The following ERC2 variants were observed in gnomAD, a reference collection of about 807,000 sequenced individuals.
The protein encoded by ERC2 is ELKS/RAB6-interacting/CAST family member 2, also known as ERC protein 2.
In ERC2, 42 loss-of-function variants were observed where a neutral mutation model predicts 114.8. The ratio of observed to expected loss-of-function variants is 0.37; its 90% CI spans 0.29 to 0.47. The LOEUF is 0.47. Ranked by LOEUF, ERC2 falls within the 20% of genes least tolerant of loss-of-function variation. ERC2 has a pLI of 0.99. For missense variants in ERC2, 939 were observed against 1,150.7 expected (o/e 0.82, Z 2.66); for synonymous variants, 454 against 425.5 (o/e 1.07, Z -0.82).
At chr3:55,729,054 T>C (rs1279488288) in intron 15 of ERC2, among the ~76,000 whole-genome samples, 3 of 152,148 alleles carry the variant, frequency 2.0e-5, no homozygotes, top group Non-Finnish European at 4.4e-5. Context: ...GGCCAGTCCA[T>C]AGTAGTGATG....
intron 14 of ERC2, among the ~76,000 whole-genome samples, chr3:55,784,887 T>C (rs2069359477): frequency 1.3e-5 from 2 of 152,216 alleles, no homozygotes; most frequent in Non-Finnish European, 2.9e-5. Flanking sequence ...AAACGGTTGC[T>C]CATTTATGCA....
At chr3:56,210,467 C>T (rs111228451) in intron 3 of ERC2, among the ~76,000 whole-genome samples, 1 of 152,210 alleles carries the variant, frequency 6.6e-6, no homozygotes, top group Non-Finnish European at 1.5e-5. Context: ...CTAAATACTA[C>T]ATTTTATGCT....
At chr3:55,728,803 C>T (rs2065075588) in intron 15 of ERC2, among the ~76,000 whole-genome samples, 1 of 152,170 alleles carries the variant, frequency 6.6e-6, no homozygotes, top group African/African-American at 2.4e-5. Flanking sequence ...AAGACTTGTA[C>T]TCTGACGGCG....
chr3:56,212,330 T>C (rs1191317372), intron 3 of ERC2, among the ~76,000 whole-genome samples: 1 of 152,048 alleles, frequency 6.6e-6, no homozygotes, highest in Non-Finnish European at 1.5e-5. Flanking sequence ...GGTATACAAA[T>C]GGCCAACAAA....
At chr3:56,448,742 T>C (rs2062696222) in intron 1 of ERC2, among the ~76,000 whole-genome samples, 1 of 152,150 alleles carries the variant, frequency 6.6e-6, no homozygotes, top group African/African-American at 2.4e-5. Context: ...TGAAACCAAA[T>C]AGGCATGGCT....
chr3:56,356,466 T>C (rs1300664613), intron 2 of ERC2, among the ~76,000 whole-genome samples: 5 of 152,220 alleles, frequency 3.3e-5, no homozygotes, highest in Non-Finnish European at 5.9e-5. Flanking sequence ...TGAGTTGGCA[T>C]GTAGTTGGCA....
chr3:55,831,249 C>T (rs76982839), intron 14 of ERC2, among the ~76,000 whole-genome samples: 2,452 of 148,322 alleles, frequency 0.017, 76 homozygotes, highest in African/African-American at 0.058. Flanking sequence ...AAGTGTAAGA[C>T]TACAGTGAGT....
intron 2 of ERC2, among the ~76,000 whole-genome samples, chr3:56,336,949 G>C (rs2057879223): frequency 6.6e-6 from 1 of 152,138 alleles, no homozygotes; most frequent in Non-Finnish European, 1.5e-5. Context: ...CAAATCAATT[G>C]TAACCTAACT....
At chr3:55,979,038 C>T (rs1424549200) in intron 12 of ERC2, among the ~76,000 whole-genome samples, 1 of 152,138 alleles carries the variant, frequency 6.6e-6, no homozygotes, top group Admixed American at 6.5e-5. Context: ...CTCACCAAGG[C>T]CCATTCATCG....
At chr3:55,939,394 AG>A (rs1476754524) in intron 13 of ERC2, among the ~76,000 whole-genome samples, 1 of 152,256 alleles carries the variant, frequency 6.6e-6, no homozygotes, top group African/African-American at 2.4e-5. Flanking sequence ...CTAGTGGGAA[AG>A]AAAAGGGCTC....
Position 55,807,251 on chromosome 3 carries a change from T to A in ERC2, c.2565-72333A>T, listed in dbSNP as rs561817126. Among the ~76,000 whole-genome samples, 3 of 152,360 alleles carry A rather than the reference T, an allele frequency of 2.0e-5. No homozygotes were observed. The South Asian group carries it at 6.2e-4, about 32-fold the overall frequency. ...CTTCCTAGGTACTTGGCTCCTTGTT[T>A]AGACATTTTCTAAACTTCATTACAG... On this transcript the variant is annotated intron_variant, in intron 14 of 17. Transcript: ENST00000288221.
At position 56,166,631 on chromosome 3, in the gene ERC2, G is replaced by A. The variant is rs149808901; in HGVS notation, c.1149+6815C>T. Among the ~76,000 whole-genome samples the A allele has an allele frequency of 4.7e-3, 718 of 152,040 alleles. 8 individuals carry two copies. Among genetic ancestry groups the A allele is most frequent in the African/African-American group, 0.017 (692 of 41,506 alleles). On this transcript the variant is annotated intron_variant, in intron 4 of 17. Coordinates refer to ENST00000288221, the MANE Select transcript of ERC2 (RefSeq NM_015576.3). ...CTTCTTAAGCAAGTTTTGACAAATT[G>A]TGTTTTTAAAAAGAATTTTTTCATT...
At chr3:56,245,504 G>A (rs1336820445) in intron 3 of ERC2, among the ~76,000 whole-genome samples, 2 of 111,204 alleles carry the variant, frequency 1.8e-5, no homozygotes, top group Non-Finnish European at 3.6e-5. Context: ...GTGTGTGTGT[G>A]GTATGTTGTG....
rs1289747614 is a variant in ERC2 at position 55,643,047 on chromosome 3, G to A, written c.*39+40747C>T. Among the ~76,000 whole-genome samples the A allele has an allele frequency of 2.6e-5, 4 of 152,300 alleles. No homozygotes were observed. The East Asian group carries it at 7.7e-4, about 29-fold the overall frequency. ...TACTCTTGAGTATTTTAGAGGCAGTGGCTACCCAGTCTGGAGAAACTTTTC... is the reference window on the plus strand; with the variant it reads ...TACTCTTGAGTATTTTAGAGGCAGTAGCTACCCAGTCTGGAGAAACTTTTC... On this transcript the variant is annotated intron_variant, in intron 17 of 17. Coordinates refer to ENST00000288221, the MANE Select transcript of ERC2 (RefSeq NM_015576.3).
rs73089191 is a variant in ERC2, at chr3:56,032,509, T to A, written c.1642-13478A>T. 3.9e-5 allele frequency among the ~76,000 whole-genome samples: 6 copies of A among 151,916 alleles called. No homozygotes were observed. In the East Asian group the frequency reaches 1.2e-3, roughly 29 times the overall value. ...AAATAATGACAGAAAACTACCTAAA[T>A]CTGGAGAGGGAAATGAGTATTCAGA... On this transcript the variant is annotated intron_variant, in intron 7 of 17. Coordinates refer to ENST00000288221, the MANE Select transcript of ERC2 (RefSeq NM_015576.3).
At chr3:55,670,150 T>C (rs2061502021) in intron 17 of ERC2, among the ~76,000 whole-genome samples, 1 of 152,168 alleles carries the variant, frequency 6.6e-6, no homozygotes, top group African/African-American at 2.4e-5. Context: ...GATGAGGACA[T>C]TGGAAATTCA....
intron 15 of ERC2, among the ~76,000 whole-genome samples, chr3:55,725,345 C>A (rs994592199): frequency 6.6e-6 from 1 of 152,166 alleles, no homozygotes; most frequent in African/African-American, 2.4e-5. Flanking sequence ...GTACTGGGAT[C>A]CTTAAAACCC....
At chr3:55,634,363 G>C (rs1486733578) in intron 17 of ERC2, among the ~76,000 whole-genome samples, 1 of 152,060 alleles carries the variant, frequency 6.6e-6, no homozygotes, top group East Asian at 1.9e-4. Context: ...TATTTATTGG[G>C]ACCAGCCTGC....
At chr3:55,638,441 T>C (rs1486334146) in intron 17 of ERC2, among the ~76,000 whole-genome samples, 1 of 152,234 alleles carries the variant, frequency 6.6e-6, no homozygotes, top group Non-Finnish European at 1.5e-5. Context: ...AAAGCAGTCA[T>C]CGTTGTGCAT....
Sources: allele counts gnomAD v4.1 joint callset (sites outside exome capture counted in the v4.1 genomes callset), GRCh38; gene constraint gnomAD v4.1.1; transcripts MANE v1.5; gene names NCBI Gene and HGNC (gene_info 2026-07-23, HGNC 2026-07-21).